The following POLR3F variants were observed in gnomAD, a reference collection of about 807,000 sequenced individuals.
The protein encoded by POLR3F is RNA polymerase III subunit F, also known as DNA-directed RNA polymerase III subunit RPC6.
POLR3F carries 31 observed loss-of-function variants against 43.6 expected under a neutral mutation model. The observed-to-expected ratio is 0.71, with a 90% CI of 0.53 to 0.96. The LOEUF (loss-of-function observed/expected upper bound fraction) is 0.96, where lower values mean the gene tolerates loss of function less well. Among genes scored for constraint, POLR3F ranks in the 40% least tolerant of loss-of-function variants. POLR3F has a pLI of 0.00. For synonymous variants in POLR3F, 114 were observed against 132.5 expected (o/e 0.86, Z 0.96); for missense variants, 316 against 391.7 (o/e 0.81, Z 1.63).
Position 18,468,934 on chromosome 20 carries a change from T to G in POLR3F, c.63-10T>G. 3 of 1,251,992 alleles carry G rather than the reference T, an allele frequency of 2.4e-6. No homozygotes were observed. Among genetic ancestry groups the G allele is most frequent in the Non-Finnish European group, 3.5e-6 (3 of 849,438 alleles). 77.6% of individuals were successfully genotyped at this position (1,251,992 alleles called of 1,614,324 possible). ...ACCATGAAGGATAACATTAATACCT[T>G]TGTTTCTAGGATTATAGAATTATGT... On this transcript the variant is annotated splice_polypyrimidine_tract_variant and intron_variant, in intron 1 of 8. Transcript: ENST00000377603.
Position 18,469,041 on chromosome 20 carries a change from A to G in POLR3F, c.160A>G (p.Ile54Val). 3 of 1,534,560 alleles carry G rather than the reference A, an allele frequency of 2.0e-6. No homozygotes were observed. The highest frequency in any genetic ancestry group is 2.7e-6 in the Non-Finnish European group (3 of 1,107,258). ...HIEAQQRAVA[I>V]NRLLSMGQLD... ...AGAAGCCCAGCAGCGGGCAGTAGCC[A>G]TCAATAGGTTGTTGTCTATGGTAAG... Residue 54 changes from isoleucine (I) to valine (V), a missense_variant, in exon 2 of 9, where the codon ATC becomes GTC. By Grantham distance (29) the Ile-to-Val change is conservative. Transcript: ENST00000377603.
chr20:18,469,114 G>A (rs1366125524), intron 2 of POLR3F, 53 bp downstream of exon 2: 1 of 833,958 alleles, frequency 1.2e-6, no homozygotes, highest in African/African-American at 1.7e-5. Context: ...ATTATCACTG[G>A]TTTTTATTAT....
In POLR3F at chr20:18,481,742, CT is replaced by C; in HGVS notation, c.806del (p.Leu269ArgfsTer42). 6.2e-7 allele frequency: 1 copy of C among 1,613,442 alleles called. No individual in the cohort carries two copies. The highest frequency in any genetic ancestry group is 8.5e-7 in the Non-Finnish European group (1 of 1,179,416). ...TVGSVDGHMK[L>X]YRAVNPIIPP... ...TGGCAGTGTAGATGGACACATGAAA[CT>C]GTACAGGGCAGTCAATCCAATCATC... On this transcript the variant is annotated frameshift_variant, in exon 8 of 9. Transcript: ENST00000377603. LOFTEE classifies it high-confidence loss of function.
chr20:18,475,991 G>A (rs2424211), intron 5 of POLR3F, among the ~76,000 whole-genome samples: 20,697 of 152,098 alleles, frequency 0.14, 1,540 homozygotes, highest in Admixed American at 0.18. Context: ...ATATACAAAG[G>A]TAGAAAAAAT....
At chr20:18,476,356 T>G (rs2059780271) in intron 5 of POLR3F, among the ~76,000 whole-genome samples, 1 of 152,268 alleles carries the variant, frequency 6.6e-6, no homozygotes, top group Admixed American at 6.5e-5. Flanking sequence ...TAATAGAATA[T>G]GTAGTCTTTT....
In POLR3F at chr20:18,481,703, A is replaced by C; in HGVS notation, c.766A>C (p.Lys256Gln). The change falls in exon 8 of 9, where the codon AAA becomes CAA. Residue 256 changes from lysine (K) to glutamine (Q), a missense_variant. Physicochemically the swap from Lys to Gln is moderately conservative, Grantham distance 53. Transcript: ENST00000377603. ...GKVEMTIIAAKEGTVGSVDGH... is the reference protein window; with the variant it reads ...GKVEMTIIAAQEGTVGSVDGH... ...AGTGGAGATGACGATTATTGCTGCAAAAGAAGGCACAGTTGGCAGTGTAGA... is the reference window on the plus strand; with the variant it reads ...AGTGGAGATGACGATTATTGCTGCACAAGAAGGCACAGTTGGCAGTGTAGA... 3 of 1,613,122 alleles carry C rather than the reference A, an allele frequency of 1.9e-6. No homozygotes were observed. Among genetic ancestry groups the C allele is most frequent in the Non-Finnish European group, 2.5e-6 (3 of 1,179,038 alleles).
chr20:18,467,587 G>A lies in POLR3F; in HGVS notation c.62+19G>A, dbSNP rs1169583619. The A allele has an allele frequency of 6.2e-7, 1 of 1,614,156 alleles. No individual in the cohort carries two copies. Among genetic ancestry groups the A allele is most frequent in the Non-Finnish European group, 8.5e-7 (1 of 1,179,984 alleles). ...AAAACAGGTAAACCAGTGAGGCTCC[G>A]GCTTGGCACTCCATCAGGCGCCCAG... On this transcript the variant is annotated intron_variant, in intron 1 of 8. Coordinates refer to ENST00000377603, the MANE Select transcript of POLR3F (RefSeq NM_006466.4).
chr20:18,479,400 C>T (rs6111982), intron 5 of POLR3F, among the ~76,000 whole-genome samples: 125,614 of 151,918 alleles, frequency 0.83, 52,212 homozygotes, highest in South Asian at 0.91. Context: ...GAGGCTGAGG[C>T]AGGAGAATCA....
At position 18,467,469 on chromosome 20, in the gene POLR3F, G is replaced by C. The variant is rs566557850; in HGVS notation, c.-38G>C. 4 of 1,612,836 alleles carry C rather than the reference G, an allele frequency of 2.5e-6. No individual in the cohort carries two copies. Among genetic ancestry groups the C allele is most frequent in the Admixed American group, 1.7e-5 (1 of 60,026 alleles). ...CCCCGGCTTGCTACCGGGCTGCTCC[G>C]TGCATCTTTCCCCCCAGGCGTCAGG... On this transcript the variant is annotated 5_prime_UTR_variant, in exon 1 of 9. Transcript: ENST00000377603.
intron 1 of POLR3F, 128 bp downstream of exon 1, chr20:18,467,696 C>A (rs1487227611): frequency 1.2e-5 from 19 of 1,528,056 alleles, no homozygotes; most frequent in Non-Finnish European, 8.8e-6. Flanking sequence ...AAAACGATTG[C>A]GGGGTTCTGG....
In POLR3F at chr20:18,480,526, A is replaced by C; in HGVS notation, c.681+17A>C. 7.3e-6 allele frequency: 10 copies of C among 1,369,708 alleles called. No homozygotes were observed. The highest frequency in any genetic ancestry group is 1.2e-5 in the South Asian group (1 of 85,274). 84.8% of individuals were successfully genotyped at this position (1,369,708 alleles called of 1,614,324 possible). On this transcript the variant is annotated intron_variant, in intron 7 of 8. Coordinates refer to ENST00000377603, the MANE Select transcript of POLR3F (RefSeq NM_006466.4). ...ATCAGTAAGGTCAGAACTGAATTTC[A>C]TCTTATTTTTTAAAACTTATTCTTT... is the stretch of plus-strand genomic sequence containing the variant.
Position 18,481,828 on chromosome 20 carries a change from C to G in POLR3F, c.873+18C>G. 1 of 1,562,832 alleles carries G rather than the reference C, an allele frequency of 6.4e-7. No individual in the cohort carries two copies. Among genetic ancestry groups the G allele is most frequent in the Non-Finnish European group, 8.8e-7 (1 of 1,137,380 alleles). The stretch of plus-strand genomic sequence containing the variant: ...TCTGCCCGGTGAGTTAAAGTGGCTT[C>G]ACTTTACACTTGACTGCCCACGGGT... On this transcript the variant is annotated intron_variant, in intron 8 of 8. Transcript: ENST00000377603.
chr20:18,482,591 ATG>A (rs2059816580), intron 8 of POLR3F, among the ~76,000 whole-genome samples: 1 of 152,188 alleles, frequency 6.6e-6, no homozygotes, highest in Non-Finnish European at 1.5e-5. Context: ...CCCAGAGATC[ATG>A]TCTTTCCCCT....
chr20:18,472,885 GA>G lies in POLR3F; in HGVS notation c.226del (p.Ile76Ter). ...LLRSNTGLLY[R>X]IKDSQNAGKM... ...AGGAGCAATACGGGCCTTTTATATA[GA>G]ATAAAGGACTCTCAGAATGCTGGGT... On this transcript the variant is annotated frameshift_variant, in exon 3 of 9. Coordinates refer to ENST00000377603, the MANE Select transcript of POLR3F (RefSeq NM_006466.4). LOFTEE classifies it high-confidence loss of function. The G allele has an allele frequency of 6.7e-7, 1 of 1,500,060 alleles. No individual in the cohort carries two copies. The highest frequency in any genetic ancestry group is 9.2e-7 in the Non-Finnish European group (1 of 1,089,384). 92.9% of individuals were successfully genotyped at this position (1,500,060 alleles called of 1,614,324 possible).
At chr20:18,477,446 A>G (rs1176336009) in intron 5 of POLR3F, among the ~76,000 whole-genome samples, 1 of 152,214 alleles carries the variant, frequency 6.6e-6, no homozygotes, top group African/African-American at 2.4e-5. Context: ...GCTCTTAAGT[A>G]TTTACCCAAC....
intron 5 of POLR3F, 62 bp downstream of exon 5, chr20:18,475,249 G>C (rs768577883): frequency 1.5e-6 from 1 of 686,874 alleles, no homozygotes; most frequent in Non-Finnish European, 2.6e-6. Context: ...TATTCTTGAA[G>C]TTATGTCATG....
At chr20:18,478,912 G>A (rs905100812) in intron 5 of POLR3F, among the ~76,000 whole-genome samples, 1 of 151,966 alleles carries the variant, frequency 6.6e-6, no homozygotes, top group Non-Finnish European at 1.5e-5. Context: ...GGAGGCCAAG[G>A]AGGGTGGATC....
Position 18,484,572 on chromosome 20 carries a change from A to G in POLR3F, c.*1014A>G, listed in dbSNP as rs1201348277. ...GAAGTGGGTCCTCACCAGAAAACAA[A>G]TCTGTAAGCACCTTGATCTTGGACT... is the stretch of plus-strand genomic sequence containing the variant. On this transcript the variant is annotated 3_prime_UTR_variant, in exon 9 of 9. Transcript: ENST00000377603. The G allele has an allele frequency of 1.9e-5, 3 of 157,714 alleles. No homozygotes were observed. The highest frequency in any genetic ancestry group is 4.8e-5 in the African/African-American group (2 of 41,680). The allele number at this position is 157,714 out of a possible 1,614,324, so 9.8% of individuals were successfully genotyped here. A position where few individuals can be genotyped will look rare whatever the true frequency, so the allele number is the denominator to read the frequency against.
chr20:18,472,051 C>T (rs926136530), intron 2 of POLR3F, among the ~76,000 whole-genome samples: 3 of 152,134 alleles, frequency 2.0e-5, no homozygotes, highest in African/African-American at 7.2e-5. Context: ...CTTCCAGAGC[C>T]TAGTGGTATA....
Sources: allele counts gnomAD v4.1 joint callset (sites outside exome capture counted in the v4.1 genomes callset), GRCh38; gene constraint gnomAD v4.1.1; transcripts MANE v1.5; gene names NCBI Gene and HGNC (gene_info 2026-07-23, HGNC 2026-07-21).